SWT1: variants seen among roughly 807,000 people sequenced by gnomAD.
The protein encoded by SWT1 is SWT1 RNA endoribonuclease homolog.
Under a neutral mutation model 107.3 loss-of-function variants are expected in SWT1, and 33 were observed. The ratio of observed to expected loss-of-function variants is 0.31; its 90% CI spans 0.23 to 0.41. SWT1 has a LOEUF of 0.41. SWT1 is among the 10% of genes least tolerant of loss of function. SWT1 has a pLI of 1.00. For synonymous variants in SWT1, 345 were observed against 348.3 expected, an observed-to-expected ratio of 0.99 and a Z score of 0.11; for missense variants, 898 against 1,028.9, an observed-to-expected ratio of 0.87 and a Z score of 1.74.
At chr1:185,243,328 T>C (rs1365488068) in intron 16 of SWT1, among the ~76,000 whole-genome samples, 1 of 152,318 alleles carries the variant, frequency 6.6e-6, no homozygotes, top group South Asian at 2.1e-4. Flanking sequence ...CAGGCTGGTC[T>C]TGATCTCCTG....
intron 10 of SWT1, among the ~76,000 whole-genome samples, chr1:185,192,342 G>T (rs1657024515): frequency 6.6e-6 from 1 of 151,990 alleles, no homozygotes; most frequent in Non-Finnish European, 1.5e-5. Context: ...GAATAAAAAG[G>T]GTCACCTCCT....
At chr1:185,231,192 G>C (rs1160818603) in intron 15 of SWT1, among the ~76,000 whole-genome samples, 2 of 152,082 alleles carry the variant, frequency 1.3e-5, no homozygotes, top group Non-Finnish European at 2.9e-5. Flanking sequence ...GAAATTACTA[G>C]GATTAACTTC....
intron 16 of SWT1, among the ~76,000 whole-genome samples, chr1:185,269,373 G>GTTTTTTTTT (rs59417358): frequency 1.6e-5 from 2 of 125,330 alleles, no homozygotes; most frequent in African/African-American, 2.9e-5. Context: ...AGAGGTTTTT[G>GTTTTTTTTT]TTTTTTTTTT....
At chr1:185,272,765 G>A (rs192192265) in intron 17 of SWT1, among the ~76,000 whole-genome samples, 141 of 152,266 alleles carry the variant, frequency 9.3e-4, no homozygotes, top group Non-Finnish European at 1.6e-3. Context: ...GCCAGGCTTG[G>A]TGGTTCACGC....
chr1:185,290,138 G>A (rs1424647368), intron 18 of SWT1, among the ~76,000 whole-genome samples: 2 of 152,002 alleles, frequency 1.3e-5, no homozygotes, highest in African/African-American at 2.4e-5. Flanking sequence ...AAAATTAGAT[G>A]TGGTGGTGTG....
rs538895966 is a variant in SWT1, at chr1:185,287,230, A to G, written c.2574-3444A>G. Among the ~76,000 whole-genome samples the G allele has an allele frequency of 3.9e-5, 6 of 152,322 alleles. No homozygotes were observed. The East Asian group carries it at 9.6e-4, about 24-fold the overall frequency. ...GAAAGGAATCACAAAACTGTGTGGA[A>G]TTATTTTTAAATTGTATGATAAAAT... On this transcript the variant is annotated intron_variant, in intron 18 of 18. Coordinates refer to ENST00000367500, the MANE Select transcript of SWT1 (RefSeq NM_017673.7).
chr1:185,200,327 A>G (rs1400816038), intron 10 of SWT1, among the ~76,000 whole-genome samples: 3 of 151,854 alleles, frequency 2.0e-5, no homozygotes, highest in African/African-American at 7.3e-5. Flanking sequence ...GAGAAAAGGC[A>G]TTGTGGTTTT....
intron 16 of SWT1, among the ~76,000 whole-genome samples, chr1:185,259,411 C>G (rs1662868244): frequency 6.6e-6 from 1 of 152,110 alleles, no homozygotes; most frequent in Admixed American, 6.5e-5. Context: ...ATTGCATAGT[C>G]ATAGGTACAG....
At position 185,291,332 on chromosome 1, in the gene SWT1, A is replaced by C. The variant is rs1255668574; in HGVS notation, c.*529A>C. On this transcript the variant is annotated 3_prime_UTR_variant, in exon 19 of 19. Transcript: ENST00000367500. ...AATAACACCCTCCTTCACCTCCCTC[A>C]GGGTAATGAAAGTAGAAATTTGACT... 2.6e-5 allele frequency: 4 copies of C among 152,642 alleles called. No individual in the cohort carries two copies. Among genetic ancestry groups the C allele is most frequent in the Non-Finnish European group, 4.4e-5 (3 of 68,054 alleles). The allele number at this position is 152,642 out of a possible 1,614,324, so 9.5% of individuals were successfully genotyped here.
intron 16 of SWT1, among the ~76,000 whole-genome samples, chr1:185,269,037 A>G (rs1277580250): frequency 1.3e-5 from 2 of 151,964 alleles, no homozygotes; most frequent in East Asian, 1.9e-4. Flanking sequence ...TATTTTTAGT[A>G]GAGACGGGGT....
rs117257627 is a variant in SWT1, at chr1:185,228,229, A to T, written c.2310-3348A>T. 3.8e-4 allele frequency among the ~76,000 whole-genome samples: 57 copies of T among 149,218 alleles called. 2 individuals carry two copies. The East Asian group carries it at 0.012, about 31-fold the overall frequency. On this transcript the variant is annotated intron_variant, in intron 15 of 18. Coordinates refer to ENST00000367500, the MANE Select transcript of SWT1 (RefSeq NM_017673.7). ...CAGTATGTTTTTCTTCAGCCTTAAG[A>T]TACATTTTCTGCTAGATGCAGTGGT...
chr1:185,260,153 G>A (rs11802738), intron 16 of SWT1, among the ~76,000 whole-genome samples: 3,898 of 152,170 alleles, frequency 0.026, 179 homozygotes, highest in African/African-American at 0.088. Flanking sequence ...AAATAGATAA[G>A]GGAAATCATC....
intron 18 of SWT1, among the ~76,000 whole-genome samples, chr1:185,286,241 TGA>T (rs1175768025): frequency 2.6e-5 from 4 of 152,158 alleles, no homozygotes; most frequent in Admixed American, 2.6e-4. Context: ...TTTTTGTTTT[TGA>T]GACAGAGTCT....
At chr1:185,215,875 T>C (rs1468538756) in intron 14 of SWT1, among the ~76,000 whole-genome samples, 1 of 152,156 alleles carries the variant, frequency 6.6e-6, no homozygotes, top group Non-Finnish European at 1.5e-5. Context: ...GAGAGTTTTA[T>C]GTAGCATAAA....
chr1:185,219,622 A>G (rs1349497347), intron 14 of SWT1, among the ~76,000 whole-genome samples: 3 of 152,176 alleles, frequency 2.0e-5, no homozygotes, highest in African/African-American at 7.2e-5. Flanking sequence ...CCAAAAAACT[A>G]AGTTTTTAAA....
intron 16 of SWT1, among the ~76,000 whole-genome samples, chr1:185,265,369 A>G (rs772402585): frequency 3.8e-4 from 58 of 152,236 alleles, no homozygotes; most frequent in Non-Finnish European, 5.9e-5. Flanking sequence ...TAGAAAACGT[A>G]TAATTTTAGT....
At chr1:185,279,184 A>G (rs757968856) in intron 18 of SWT1, among the ~76,000 whole-genome samples, 6 of 152,190 alleles carry the variant, frequency 3.9e-5, no homozygotes, top group Non-Finnish European at 8.8e-5. Flanking sequence ...CATTTAAAAT[A>G]TTGTGTGAGA....
intron 17 of SWT1, among the ~76,000 whole-genome samples, chr1:185,273,904 T>A (rs1047335147): frequency 1.3e-5 from 2 of 151,926 alleles, no homozygotes; most frequent in African/African-American, 4.8e-5. Context: ...CTCAGGAGGC[T>A]GGAGGTGGGA....
chr1:185,219,326 A>G lies in SWT1; in HGVS notation c.2122-2523A>G, dbSNP rs771537877. On this transcript the variant is annotated intron_variant, in intron 14 of 18. Transcript: ENST00000367500. ...TTTCTATGCCTCAGTTTTGTTGATTATAAGATATGGACCATCATAGTATCT... is the reference window on the plus strand; with the variant it reads ...TTTCTATGCCTCAGTTTTGTTGATTGTAAGATATGGACCATCATAGTATCT... 2.0e-5 allele frequency among the ~76,000 whole-genome samples: 3 copies of G among 152,172 alleles called. 1 individual carries two copies. In the South Asian group the frequency reaches 6.2e-4, roughly 32 times the overall value.
Sources: gnomAD v4.1 joint callset for allele counts (sites outside exome capture counted in the v4.1 genomes callset) on GRCh38, gnomAD v4.1.1 for gene constraint, MANE v1.5 for transcripts, NCBI Gene and HGNC (gene_info 2026-07-23, HGNC 2026-07-21) for gene names.